The following TSPAN13 variants were observed in gnomAD, a reference collection of about 807,000 sequenced individuals.
TSPAN13 encodes tetraspanin 13.
A neutral mutation model predicts 26.9 loss-of-function variants in TSPAN13; 18 were observed. The ratio of observed to expected loss-of-function variants is 0.67; its 90% CI spans 0.46 to 0.99. The LOEUF is 0.99. TSPAN13 is among the 50% of genes least tolerant of loss of function. The pLI is 0.00. For missense variants in TSPAN13, 201 were observed against 249.6 expected, an observed-to-expected ratio of 0.81 and a Z score of 1.31; for synonymous variants, 116 against 98.4, an observed-to-expected ratio of 1.18 and a Z score of -1.06.
At chr7:16,773,432 C>A (rs1469209754) in intron 1 of TSPAN13, among the ~76,000 whole-genome samples, 1 of 151,866 alleles carries the variant, frequency 6.6e-6, no homozygotes, top group Non-Finnish European at 1.5e-5. Flanking sequence ...GGAACACAGC[C>A]CTGCCTGCTC....
intron 5 of TSPAN13, among the ~76,000 whole-genome samples, chr7:16,782,867 A>G (rs903708423): frequency 6.6e-6 from 1 of 152,172 alleles, no homozygotes; most frequent in African/African-American, 2.4e-5. Flanking sequence ...ACACAAACTT[A>G]TTGTCTTACA....
intron 1 of TSPAN13, among the ~76,000 whole-genome samples, chr7:16,764,934 G>GTT (rs11429848): frequency 2.0e-3 from 293 of 148,494 alleles, no homozygotes; most frequent in African/African-American, 5.3e-3. Flanking sequence ...TTTTGTTTTT[G>GTT]TTTTTTTTTT....
intron 1 of TSPAN13, among the ~76,000 whole-genome samples, chr7:16,760,409 T>A (rs1784530450): frequency 6.6e-6 from 1 of 152,176 alleles, no homozygotes; most frequent in South Asian, 2.1e-4. Flanking sequence ...CAGATTACTA[T>A]GATTTGTGGC....
At chr7:16,778,090 A>C (rs1784773633) in intron 4 of TSPAN13, among the ~76,000 whole-genome samples, 179 bp downstream of exon 4, 1 of 152,200 alleles carries the variant, frequency 6.6e-6, no homozygotes, top group African/African-American at 2.4e-5. Flanking sequence ...TACCCACTCC[A>C]GAGAGTGTTG....
intron 3 of TSPAN13, among the ~76,000 whole-genome samples, chr7:16,777,586 A>G (rs1419486679): frequency 6.6e-6 from 1 of 152,218 alleles, no homozygotes; most frequent in Admixed American, 6.5e-5. Context: ...AAATTCTTTT[A>G]AATGCATGTA....
chr7:16,767,432 A>C (rs1583789822), intron 1 of TSPAN13, among the ~76,000 whole-genome samples: 1 of 152,326 alleles, frequency 6.6e-6, no homozygotes, highest in South Asian at 2.1e-4. Context: ...TTGTGTGATC[A>C]CACCAGAGTC....
rs148309246 is a variant in TSPAN13, at chr7:16,754,928, A to G, written c.63+898A>G. 1.1e-4 allele frequency among the ~76,000 whole-genome samples: 16 copies of G among 152,336 alleles called. No individual in the cohort carries two copies. In the East Asian group the frequency reaches 3.1e-3, roughly 29 times the overall value. On this transcript the variant is annotated intron_variant, in intron 1 of 5. Transcript: ENST00000262067. ...TGACAACCTTCTGAGGGAATGGGGC[A>G]TTATCTGCATTTTATACATAAGGTA...
At chr7:16,758,732 G>A (rs1041022809) in intron 1 of TSPAN13, among the ~76,000 whole-genome samples, 5 of 150,680 alleles carry the variant, frequency 3.3e-5, no homozygotes, top group Middle Eastern at 3.4e-3. Flanking sequence ...CTGTAGAATC[G>A]AATATTTCTT....
intron 1 of TSPAN13, among the ~76,000 whole-genome samples, chr7:16,766,775 T>G (rs1421080024): frequency 6.6e-6 from 1 of 152,134 alleles, no homozygotes; most frequent in Non-Finnish European, 1.5e-5. Context: ...TACAGAGGAA[T>G]GCAAAGCAGA....
At chr7:16,755,837 C>T (rs183819434) in intron 1 of TSPAN13, among the ~76,000 whole-genome samples, 10 of 152,024 alleles carry the variant, frequency 6.6e-5, no homozygotes, top group East Asian at 1.9e-4. Context: ...GAAAGTGAGG[C>T]GAAAGAAAGG....
At chr7:16,754,694 A>G (rs1784462905) in intron 1 of TSPAN13, among the ~76,000 whole-genome samples, 1 of 152,002 alleles carries the variant, frequency 6.6e-6, no homozygotes, top group African/African-American at 2.4e-5. Flanking sequence ...ATTTTAAACC[A>G]AGTCCTCCAG....
intron 1 of TSPAN13, among the ~76,000 whole-genome samples, chr7:16,770,554 C>T (rs998857330): frequency 2.4e-4 from 36 of 152,148 alleles, no homozygotes; most frequent in African/African-American, 8.4e-4. Context: ...GTTTTAGTCT[C>T]CTTCAGTTAG....
chr7:16,765,367 G>A (rs1583788878), intron 1 of TSPAN13, among the ~76,000 whole-genome samples: 1 of 152,160 alleles, frequency 6.6e-6, no homozygotes, highest in African/African-American at 2.4e-5. Flanking sequence ...GCATCCCAAA[G>A]TGCTAGGATT....
At chr7:16,760,425 C>G (rs1220702753) in intron 1 of TSPAN13, among the ~76,000 whole-genome samples, 1 of 152,124 alleles carries the variant, frequency 6.6e-6, no homozygotes, top group East Asian at 1.9e-4. Flanking sequence ...GTGGCTCAGG[C>G]TCAAGGAATT....
intron 1 of TSPAN13, among the ~76,000 whole-genome samples, chr7:16,759,417 T>C (rs1784516874): frequency 1.3e-5 from 2 of 152,018 alleles, no homozygotes; most frequent in South Asian, 2.1e-4. Context: ...CAACCAGATC[T>C]CACGTGAACT....
intron 1 of TSPAN13, among the ~76,000 whole-genome samples, chr7:16,767,527 T>G (rs532408821): frequency 6.6e-6 from 1 of 152,312 alleles, no homozygotes; most frequent in Admixed American, 6.5e-5. Flanking sequence ...CTGGTATATA[T>G]CTAGTTGGGT....
At chr7:16,765,525 G>T (rs1203402933) in intron 1 of TSPAN13, among the ~76,000 whole-genome samples, 8 of 152,214 alleles carry the variant, frequency 5.3e-5, no homozygotes, top group Non-Finnish European at 2.9e-5. Context: ...GTTTACTCGG[G>T]GGAGAAATGC....
At chr7:16,780,449 C>G (rs368224462) in intron 5 of TSPAN13, among the ~76,000 whole-genome samples, 10 of 152,086 alleles carry the variant, frequency 6.6e-5, no homozygotes, top group African/African-American at 2.4e-4. Context: ...TTAGTCTGAC[C>G]ATTTTTTCAT....
At chr7:16,782,507 A>G (rs373599597) in intron 5 of TSPAN13, among the ~76,000 whole-genome samples, 2 of 152,198 alleles carry the variant, frequency 1.3e-5, no homozygotes, top group East Asian at 1.9e-4. Flanking sequence ...AAGAGTTACA[A>G]TTTTCATTTA....
Sources: gnomAD v4.1 joint callset for allele counts (sites outside exome capture counted in the v4.1 genomes callset) on GRCh38, gnomAD v4.1.1 for gene constraint, MANE v1.5 for transcripts, NCBI Gene and HGNC (gene_info 2026-07-23, HGNC 2026-07-21) for gene names.